The following LGALS8 variants were observed in gnomAD, a reference collection of about 807,000 sequenced individuals.
LGALS8 encodes the protein galectin 8.
A neutral mutation model predicts 35.9 loss-of-function variants in LGALS8; 30 were observed. The ratio of observed to expected loss-of-function variants is 0.83; its 90% CI spans 0.62 to 1.13. The LOEUF is 1.13. Ranked by LOEUF, LGALS8 falls within the 50% of genes most tolerant of loss-of-function variation. LGALS8 has a pLI of 0.00. For missense variants in LGALS8, 366 were observed against 388.7 expected (o/e 0.94, Z 0.49); for synonymous variants, 138 against 136.1 (o/e 1.01, Z -0.10).
At position 236,541,647 on chromosome 1, in the gene LGALS8, T is replaced by TTC. The variant is rs777095391; in HGVS notation, c.466-4_466-3dup. 4.0e-5 allele frequency: 58 copies of TTC among 1,438,146 alleles called. No individual in the cohort carries two copies. Among genetic ancestry groups the TTC allele is most frequent in the Non-Finnish European group, 5.3e-5 (56 of 1,048,734 alleles). 89.1% of individuals were successfully genotyped at this position (1,438,146 alleles called of 1,614,324 possible). A position where few individuals can be genotyped will look rare whatever the true frequency, so the allele number is the denominator to read the frequency against. On this transcript the variant is annotated splice_polypyrimidine_tract_variant and splice_region_variant and intron_variant, in intron 5 of 9. Transcript: ENST00000366584. The stretch of plus-strand genomic sequence containing the variant: ...GTTACAAATTAATCTTTATTATCTT[T>TTC]TCTCAGGACTTACAAAGTACCCAAG...
At chr1:236,521,080 T>A (rs1204604748), upstream of LGALS8, among the ~76,000 whole-genome samples, 1 of 152,178 alleles carries the variant, frequency 6.6e-6, no homozygotes, top group African/African-American at 2.4e-5. Context: ...TCAACTAGAG[T>A]ATAAGCTTCC....
intron 2 of LGALS8, among the ~76,000 whole-genome samples, chr1:236,536,987 A>G (rs894056677): frequency 3.4e-5 from 5 of 148,900 alleles, no homozygotes; most frequent in African/African-American, 7.5e-5. Context: ...GTTTGCAGCT[A>G]TTGCAGATAT....
At chr1:236,519,935 A>C (rs544508308), upstream of LGALS8, among the ~76,000 whole-genome samples, 1 of 133,214 alleles carries the variant, frequency 7.5e-6, no homozygotes, top group South Asian at 2.7e-4. Context: ...TAACAGGAGT[A>C]TTGTTTTGTA....
At position 236,534,770 on chromosome 1, in the gene LGALS8, G is replaced by C. The variant is rs551612048; in HGVS notation, c.46-2727G>C. 2.6e-5 allele frequency among the ~76,000 whole-genome samples: 4 copies of C among 152,146 alleles called. No homozygotes were observed. The East Asian group carries it at 5.8e-4, about 22-fold the overall frequency. On this transcript the variant is annotated intron_variant, in intron 2 of 9. Coordinates refer to ENST00000366584, the MANE Select transcript of LGALS8 (RefSeq NM_201544.4). The stretch of plus-strand genomic sequence containing the variant: ...TGTGAACAAGGTATTAGAAGTGATG[G>C]GGGCCGGGTGCGGTAGCTTCTCCCA...
At chr1:236,531,200 G>C (rs1250187649) in intron 2 of LGALS8, among the ~76,000 whole-genome samples, 1 of 152,168 alleles carries the variant, frequency 6.6e-6, no homozygotes, top group Non-Finnish European at 1.5e-5. Flanking sequence ...CGGTGCTATA[G>C]TGTACATCCT....
chr1:236,518,655 TA>T (rs1017661988), upstream of LGALS8, among the ~76,000 whole-genome samples: 17 of 152,148 alleles, frequency 1.1e-4, no homozygotes, highest in African/African-American at 1.7e-4. Flanking sequence ...TGCTTTCACA[TA>T]TTTTTTTTTA....
chr1:236,524,506 C>T (rs141362010), intron 1 of LGALS8: 209 of 445,948 alleles, frequency 4.7e-4, no homozygotes, highest in African/African-American at 3.7e-3. Flanking sequence ...CATTGCGTTC[C>T]CTGCCTCTAA....
At position 236,551,042 on chromosome 1, in the gene LGALS8, C is replaced by A. The variant is rs1364082097; in HGVS notation, c.*2881C>A. ...TTAAAATCTGAGTCAGTCCGCCTGC[C>A]TCGGTTCTCATTAGTTTAATTCTTA... is the stretch of plus-strand genomic sequence containing the variant. On this transcript the variant is annotated 3_prime_UTR_variant, in exon 10 of 10. Coordinates refer to ENST00000366584, the MANE Select transcript of LGALS8 (RefSeq NM_201544.4). The A allele has an allele frequency of 2.9e-6, 4 of 1,374,660 alleles. No individual in the cohort carries two copies. Among genetic ancestry groups the A allele is most frequent in the Non-Finnish European group, 4.0e-6 (4 of 1,001,782 alleles). The allele number at this position is 1,374,660 out of a possible 1,614,324, so 85.2% of individuals were successfully genotyped here.
Position 236,550,809 on chromosome 1 carries a change from G to T in LGALS8, c.*2648G>T, listed in dbSNP as rs906069339. ...AAGTAATCCAAGTAGGTGTATTAAG[G>T]CACCAAAAGTAACATGGCACCCAAC... On this transcript the variant is annotated 3_prime_UTR_variant, in exon 10 of 10. Transcript: ENST00000366584. 1 of 903,348 alleles carries T rather than the reference G, an allele frequency of 1.1e-6. No homozygotes were observed. The highest frequency in any genetic ancestry group is 1.7e-6 in the Non-Finnish European group (1 of 583,428). The allele number at this position is 903,348 out of a possible 1,614,324, so 56.0% of individuals were successfully genotyped here.
chr1:236,530,022 T>A (rs1414868449), intron 2 of LGALS8, among the ~76,000 whole-genome samples: 1 of 152,250 alleles, frequency 6.6e-6, no homozygotes, highest in Non-Finnish European at 1.5e-5. Flanking sequence ...ATACCAGGAA[T>A]GCTGCCAGTG....
chr1:236,533,496 G>A (rs28545697), intron 2 of LGALS8, among the ~76,000 whole-genome samples: 4,441 of 152,016 alleles, frequency 0.029, 126 homozygotes, highest in Admixed American at 0.093. Context: ...CACCATGCCC[G>A]GCTAATTTTG....
At position 236,548,032 on chromosome 1, in the gene LGALS8, T is replaced by A. The variant is rs763550696; in HGVS notation, c.825T>A (p.Val275=). 3.7e-5 allele frequency: 60 copies of A among 1,611,432 alleles called. 1 individual carries two copies. In the East Asian group the frequency reaches 1.3e-3, roughly 35 times the overall value. The change falls in exon 10 of 10, where the codon GTT becomes GTA. Residue 275 remains valine, a synonymous_variant. Coordinates refer to ENST00000366584, the MANE Select transcript of LGALS8 (RefSeq NM_201544.4). ...TTCAGATGATAATTTATTGTGATGTTAGAGAATTCAAGGTTGCAGTAAATG... is the reference window on the plus strand; with the variant it reads ...TTCAGATGATAATTTATTGTGATGTAAGAGAATTCAAGGTTGCAGTAAATG... ...MYFEMIIYCD[V]REFKVAVNGV...
At chr1:236,540,242 G>C (rs1337719250) in intron 4 of LGALS8, 3 of 235,408 alleles carry the variant, frequency 1.3e-5, no homozygotes, top group Non-Finnish European at 1.6e-5. Context: ...ACCTGTGCCT[G>C]GGCTTCCAGG....
chr1:236,521,086 C>T (rs562752770), upstream of LGALS8, among the ~76,000 whole-genome samples: 2 of 152,318 alleles, frequency 1.3e-5, no homozygotes, highest in African/African-American at 4.8e-5. Context: ...AGAGTATAAG[C>T]TTCCTCGAAA....
At position 236,549,251 on chromosome 1, in the gene LGALS8, C is replaced by A. The variant is rs1662600140; in HGVS notation, c.*1090C>A. 2 of 343,420 alleles carry A rather than the reference C, an allele frequency of 5.8e-6. No individual in the cohort carries two copies. The highest frequency in any genetic ancestry group is 2.1e-5 in the African/African-American group (1 of 47,532). 21.3% of individuals were successfully genotyped at this position (343,420 alleles called of 1,614,324 possible). A position where few individuals can be genotyped will look rare whatever the true frequency, so the allele number is the denominator to read the frequency against. ...TCCACTTTACGTGATTAAAATCAAA[C>A]CTGTATCAGCAAGTTAAATGGTTCC... On this transcript the variant is annotated 3_prime_UTR_variant, in exon 10 of 10. Transcript: ENST00000366584.
upstream of LGALS8, among the ~76,000 whole-genome samples, chr1:236,522,169 A>T (rs1324269126): frequency 3.9e-5 from 6 of 152,242 alleles, no homozygotes; most frequent in Admixed American, 1.3e-4. Context: ...ATTTATGAAC[A>T]TTTTAATCCA....
intron 5 of LGALS8, 90 bp from the exon 6 acceptor site, chr1:236,541,564 C>T: frequency 1.5e-6 from 1 of 657,530 alleles, no homozygotes; most frequent in Non-Finnish European, 2.5e-6. Context: ...TTTTTAGTAC[C>T]ATTTATAATT....
At chr1:236,537,458 G>C (rs764359071) in intron 2 of LGALS8, 39 bp from the exon 3 acceptor site, 1 of 1,277,268 alleles carries the variant, frequency 7.8e-7, no homozygotes, top group Admixed American at 1.7e-5. Context: ...AAGTAATTTT[G>C]TTTATGTAAA....
At chr1:236,540,276 A>G in intron 4 of LGALS8, 1 of 285,780 alleles carries the variant, frequency 3.5e-6, no homozygotes, top group Non-Finnish European at 6.4e-6. Flanking sequence ...CAGATGTCTC[A>G]CATGTATGCA....
Sources: allele counts gnomAD v4.1 joint callset (sites outside exome capture counted in the v4.1 genomes callset), GRCh38; gene constraint gnomAD v4.1.1; transcripts MANE v1.5; gene names NCBI Gene and HGNC (gene_info 2026-07-23, HGNC 2026-07-21).